The following SEC14L1 variants were observed in gnomAD, a reference collection of about 807,000 sequenced individuals.
SEC14L1 encodes the protein SEC14-like protein 1.
Under a neutral mutation model 85.3 loss-of-function variants are expected in SEC14L1, and 48 were observed. That is an observed-to-expected ratio of 0.56 (90% CI 0.45 to 0.72). The LOEUF (loss-of-function observed/expected upper bound fraction) is 0.72. SEC14L1 is among the 30% of genes least tolerant of loss of function. The pLI, the probability that SEC14L1 is intolerant of heterozygous loss-of-function variation, is 0.00. For synonymous variants in SEC14L1, 391 were observed against 355.5 expected (o/e 1.10, Z -1.12); for missense variants, 682 against 921.4 (o/e 0.74, Z 3.36).
At position 77,205,357 on chromosome 17, in the gene SEC14L1, G is replaced by A; in HGVS notation, c.1169+11G>A. ...TGGTCGGCCTATCAGGTAGATGTGGGATTTTGTTTTTCCTTTCAACTTACT... is the reference window on the plus strand; with the variant it reads ...TGGTCGGCCTATCAGGTAGATGTGGAATTTTGTTTTTCCTTTCAACTTACT... On this transcript the variant is annotated intron_variant, in intron 11 of 16. Coordinates refer to ENST00000436233, the MANE Select transcript of SEC14L1 (RefSeq NM_001143998.2). 6.2e-7 allele frequency: 1 copy of A among 1,612,146 alleles called. No individual in the cohort carries two copies. Among genetic ancestry groups the A allele is most frequent in the South Asian group, 1.1e-5 (1 of 90,964 alleles).
rs535133595 is a variant in SEC14L1 at position 77,189,994 on chromosome 17, C to G, written c.64-809C>G. ...GAAGTTCATTTTATATATTTTTTCT[C>G]CTGTGGATTGTGATTTTGTTGTCAC... On this transcript the variant is annotated intron_variant, in intron 3 of 16. Transcript: ENST00000436233. 4.5e-4 allele frequency among the ~76,000 whole-genome samples: 69 copies of G among 152,260 alleles called. 1 individual carries two copies. In the South Asian group the frequency reaches 0.012, roughly 26 times the overall value.
chr17:77,144,548 TA>T (rs1470012778), intron 3 of SEC14L1: 4 of 152,260 alleles, frequency 2.6e-5, no homozygotes, highest in Admixed American at 2.6e-4. Flanking sequence ...TATAGATCAA[TA>T]GTTTTGAAAA....
At chr17:77,094,665 C>T (rs1467613355) in intron 3 of SEC14L1, 1 of 151,586 alleles carries the variant, frequency 6.6e-6, no homozygotes, top group Non-Finnish European at 1.5e-5. Context: ...CAGGGTTTCA[C>T]ATGTTGGCCA....
At chr17:77,146,776 T>A (rs1973330971) in intron 3 of SEC14L1, among the ~76,000 whole-genome samples, 1 of 152,198 alleles carries the variant, frequency 6.6e-6, no homozygotes, top group Non-Finnish European at 1.5e-5. Flanking sequence ...AAAACATTTT[T>A]AAATCCGAAA....
rs34186028 is a variant in SEC14L1, at chr17:77,158,798, C to CTTTTTT, written c.63+15167_63+15172dup. On this transcript the variant is annotated intron_variant, in intron 3 of 16. Transcript: ENST00000436233. ...CAATTACATTTTATAGCTTTCTTTCCTTTTTTTTTTTTTTTTTTTTTTTTT... is the reference window on the plus strand; with the variant it reads ...CAATTACATTTTATAGCTTTCTTTCCTTTTTTTTTTTTTTTTTTTTTTTTTTTTTTT... Among the ~76,000 whole-genome samples the CTTTTTT allele has an allele frequency of 5.5e-3, 214 of 39,230 alleles. 58 individuals carry two copies. Among genetic ancestry groups the CTTTTTT allele is most frequent in the Middle Eastern group, 0.019 (1 of 52 alleles). The allele number at this position is 39,230 out of a possible 152,430, so 25.7% of individuals were successfully genotyped here. A position where few individuals can be genotyped will look rare whatever the true frequency, so the allele number is the denominator to read the frequency against.
chr17:77,143,944 C>T (rs942260167), intron 3 of SEC14L1: 2 of 288,214 alleles, frequency 6.9e-6, no homozygotes, highest in Non-Finnish European at 6.4e-6. Flanking sequence ...ACTTCTTCCT[C>T]GGGGTTGTGC....
At chr17:77,173,981 G>C (rs909999864) in intron 3 of SEC14L1, among the ~76,000 whole-genome samples, 11 of 151,702 alleles carry the variant, frequency 7.3e-5, no homozygotes, top group Non-Finnish European at 8.8e-5. Context: ...GCTCACTGCA[G>C]CCTCTGCCTC....
chr17:77,131,600 C>T (rs1475717384), intron 3 of SEC14L1, among the ~76,000 whole-genome samples: 3 of 152,180 alleles, frequency 2.0e-5, no homozygotes, highest in Non-Finnish European at 4.4e-5. Flanking sequence ...CCAGTGCTCA[C>T]TGTGTTCAGA....
intron 3 of SEC14L1, among the ~76,000 whole-genome samples, chr17:77,161,713 T>C (rs1225371379): frequency 4.6e-5 from 1 of 21,570 alleles, no homozygotes; most frequent in African/African-American, 2.3e-4. Context: ...AAATTGGTTC[T>C]TTTTTTTTTT....
At chr17:77,096,128 C>A (rs1023836036) in intron 3 of SEC14L1, among the ~76,000 whole-genome samples, 10 of 150,242 alleles carry the variant, frequency 6.7e-5, no homozygotes, top group African/African-American at 2.5e-4. Context: ...AACTCCTGGG[C>A]TCAGGTGATC....
chr17:77,177,707 A>T (rs906343450), intron 3 of SEC14L1, among the ~76,000 whole-genome samples: 1 of 152,138 alleles, frequency 6.6e-6, no homozygotes, highest in Non-Finnish European at 1.5e-5. Context: ...CCAAATGTAG[A>T]CATGCTAGTG....
chr17:77,167,234 A>G (rs1974325882), intron 3 of SEC14L1, among the ~76,000 whole-genome samples: 1 of 150,076 alleles, frequency 6.7e-6, no homozygotes, highest in Non-Finnish European at 1.5e-5. Flanking sequence ...TTCATTGTTG[A>G]AGCAATTCTC....
intron 2 of SEC14L1, among the ~76,000 whole-genome samples, chr17:77,091,525 C>G (rs1971516821): frequency 6.6e-6 from 1 of 152,202 alleles, no homozygotes. Context: ...CCATTTTATG[C>G]TATCCAGAGC....
intron 3 of SEC14L1, among the ~76,000 whole-genome samples, chr17:77,174,121 A>G (rs1347196589): frequency 6.6e-6 from 1 of 151,794 alleles, no homozygotes; most frequent in African/African-American, 2.4e-5. Flanking sequence ...GGGTTGCACC[A>G]TGTTGGCCAG....
intron 3 of SEC14L1, chr17:77,145,099 A>ATATG (rs1555619643): frequency 1.4e-4 from 16 of 114,142 alleles, no homozygotes; most frequent in Non-Finnish European, 2.1e-4. Context: ...GTGTGTATGT[A>ATATG]TGTGTGTGTG....
intron 3 of SEC14L1, among the ~76,000 whole-genome samples, chr17:77,159,145 C>T (rs1973941634): frequency 1.4e-5 from 1 of 71,050 alleles, no homozygotes; most frequent in Non-Finnish European, 2.7e-5. Context: ...TGGCTCACTG[C>T]AGCCTCCACC....
intron 3 of SEC14L1, among the ~76,000 whole-genome samples, chr17:77,169,007 C>CTTT (rs71160208): frequency 1.4e-4 from 11 of 77,848 alleles, no homozygotes; most frequent in Admixed American, 3.2e-4. Context: ...TGAGGAGCAT[C>CTTT]TTTTTTTTTT....
chr17:77,191,256 G>A lies in SEC14L1; in HGVS notation c.289G>A (p.Ala97Thr). The A allele has an allele frequency of 6.2e-7, 1 of 1,613,958 alleles. No homozygotes were observed. The highest frequency in any genetic ancestry group is 8.5e-7 in the Non-Finnish European group (1 of 1,179,900). Residue 97 changes from alanine to threonine, a missense_variant, in exon 5 of 17, where the codon GCT becomes ACT. Physicochemically the swap from Ala to Thr is moderately conservative, Grantham distance 58. Coordinates refer to ENST00000436233, the MANE Select transcript of SEC14L1 (RefSeq NM_001143998.2). ...NSRERTLHIE[A>T]YNETFSNRVI... ...TCGGGAACGTACTTTGCACATTGAG[G>A]CTTATAATGAAACGTTTTCCAATCG...
chr17:77,134,813 T>C (rs527557864), intron 3 of SEC14L1, among the ~76,000 whole-genome samples: 1 of 152,358 alleles, frequency 6.6e-6, no homozygotes, highest in African/African-American at 2.4e-5. Context: ...AGGTTGGTCT[T>C]GAACTCCTGA....
Sources: allele counts gnomAD v4.1 joint callset (sites outside exome capture counted in the v4.1 genomes callset), GRCh38; gene constraint gnomAD v4.1.1; transcripts MANE v1.5; gene names NCBI Gene and HGNC (gene_info 2026-07-23, HGNC 2026-07-21).